The following ROBO1 variants were observed in gnomAD, a reference collection of about 807,000 sequenced individuals.
ROBO1 encodes the protein roundabout homolog 1.
Under a neutral mutation model 195.9 loss-of-function variants are expected in ROBO1, and 149 were observed. That is an observed-to-expected ratio of 0.76 (90% CI 0.67 to 0.87). The LOEUF is 0.87. Among genes scored for constraint, ROBO1 ranks in the 40% least tolerant of loss-of-function variants. The pLI is 0.00. For synonymous variants in ROBO1, 816 were observed against 733.2 expected (o/e 1.11, Z -1.82); for missense variants, 1,933 against 2,068.3 (o/e 0.93, Z 1.27).
intron 2 of ROBO1, among the ~76,000 whole-genome samples, chr3:79,448,069 T>C (rs970948684): frequency 7.2e-5 from 11 of 152,200 alleles, no homozygotes; most frequent in African/African-American, 4.8e-5. Flanking sequence ...GTTGAGAAAT[T>C]TATCCCTTAA....
intron 2 of ROBO1, among the ~76,000 whole-genome samples, chr3:79,427,008 A>C (rs62257565): frequency 0.34 from 50,956 of 152,042 alleles, 9,947 homozygotes; most frequent in Admixed American, 0.48. Flanking sequence ...GTTTTATAAA[A>C]CAAAAATGGC....
intron 3 of ROBO1, among the ~76,000 whole-genome samples, chr3:79,117,638 TG>T (rs1278023765): frequency 1.3e-5 from 2 of 152,226 alleles, no homozygotes; most frequent in East Asian, 3.9e-4. Context: ...CATAACCTAC[TG>T]TAATACCCAC....
At chr3:78,684,743 G>A (rs2081014462) in intron 10 of ROBO1, among the ~76,000 whole-genome samples, 1 of 152,084 alleles carries the variant, frequency 6.6e-6, no homozygotes, top group Non-Finnish European at 1.5e-5. Flanking sequence ...AGGAGTCAAA[G>A]ATGACTCCAC....
intron 1 of ROBO1, among the ~76,000 whole-genome samples, chr3:79,682,077 T>A (rs1173925112): frequency 2.6e-5 from 4 of 151,990 alleles, no homozygotes; most frequent in Non-Finnish European, 5.9e-5. Context: ...CCTCAGGCAT[T>A]GAATATTTTG....
At chr3:78,676,718 C>T (rs1410019517) in intron 10 of ROBO1, among the ~76,000 whole-genome samples, 9 of 152,230 alleles carry the variant, frequency 5.9e-5, no homozygotes, top group African/African-American at 9.6e-5. Context: ...CTGAAAGTGA[C>T]GGGGAGAATG....
chr3:79,225,087 G>T (rs2082201965), intron 2 of ROBO1, among the ~76,000 whole-genome samples: 1 of 151,852 alleles, frequency 6.6e-6, no homozygotes, highest in African/African-American at 2.4e-5. Flanking sequence ...CCAGAGAGAA[G>T]GAATAGCATG....
chr3:79,585,475 A>T (rs1003684371), intron 2 of ROBO1, among the ~76,000 whole-genome samples: 1 of 152,024 alleles, frequency 6.6e-6, no homozygotes, highest in Admixed American at 6.6e-5. Flanking sequence ...AGAAATATTT[A>T]TTATGAGATG....
At chr3:78,904,624 G>T (rs1349133906) in intron 4 of ROBO1, among the ~76,000 whole-genome samples, 1 of 150,292 alleles carries the variant, frequency 6.7e-6, no homozygotes, top group African/African-American at 2.4e-5. Flanking sequence ...CGAAAAAATG[G>T]CAAGAATCAT....
At chr3:78,675,163 A>C (rs1195469907) in intron 10 of ROBO1, among the ~76,000 whole-genome samples, 1 of 138,064 alleles carries the variant, frequency 7.2e-6, no homozygotes, top group Non-Finnish European at 1.6e-5. Context: ...CCACTCATTA[A>C]AAAAAAAAAA....
chr3:79,202,302 G>A (rs1219722438), intron 2 of ROBO1, among the ~76,000 whole-genome samples: 1 of 152,084 alleles, frequency 6.6e-6, no homozygotes, highest in Non-Finnish European at 1.5e-5. Context: ...TGACCTAGAT[G>A]ATACTTAAAG....
chr3:79,359,204 T>C (rs939277224), intron 2 of ROBO1, among the ~76,000 whole-genome samples: 16 of 152,074 alleles, frequency 1.1e-4, no homozygotes, highest in Middle Eastern at 3.4e-3. Context: ...AAATCACACA[T>C]GAACATGCTA....
intron 3 of ROBO1, chr3:79,019,139 G>A: frequency 7.1e-6 from 7 of 986,226 alleles, no homozygotes; most frequent in Non-Finnish European, 8.4e-6. Context: ...ACAGCAGCAG[G>A]ACCGCGGACA....
chr3:78,941,875 CAT>C (rs2107705174), intron 3 of ROBO1, among the ~76,000 whole-genome samples: 1 of 152,280 alleles, frequency 6.6e-6, no homozygotes, highest in Non-Finnish European at 1.5e-5. Context: ...AGCCAGAAAC[CAT>C]TAAGAAATGT....
intron 5 of ROBO1, among the ~76,000 whole-genome samples, chr3:78,744,907 T>TAC (rs1463068568): frequency 6.6e-6 from 1 of 152,226 alleles, no homozygotes; most frequent in Non-Finnish European, 1.5e-5. Flanking sequence ...TAGTTTAATT[T>TAC]ACTGTATATT....
intron 3 of ROBO1, among the ~76,000 whole-genome samples, chr3:79,106,525 A>G (rs1049559699): frequency 3.3e-5 from 5 of 151,634 alleles, no homozygotes; most frequent in African/African-American, 7.3e-5. Context: ...TTCCTCATGT[A>G]TTATATTAAT....
At chr3:78,906,902 A>C (rs935742480) in intron 4 of ROBO1, among the ~76,000 whole-genome samples, 6 of 152,064 alleles carry the variant, frequency 3.9e-5, no homozygotes, top group Admixed American at 2.6e-4. Flanking sequence ...CATTTTTGCA[A>C]ATTTATTTAA....
intron 8 of ROBO1, among the ~76,000 whole-genome samples, chr3:78,700,498 A>T (rs2081395341): frequency 6.6e-6 from 1 of 152,172 alleles, no homozygotes; most frequent in Admixed American, 6.6e-5. Flanking sequence ...TTGGATCAAG[A>T]TCCTCTCCAA....
At chr3:79,089,249 AAAGTTGTCACTTAG>A (rs1559650417) in intron 3 of ROBO1, among the ~76,000 whole-genome samples, 1 of 152,130 alleles carries the variant, frequency 6.6e-6, no homozygotes, top group African/African-American at 2.4e-5. Context: ...TATAAGATAC[AAAGTTGTCACTTAG>A]AATTCCTAAC....
intron 3 of ROBO1, among the ~76,000 whole-genome samples, chr3:79,044,126 T>TAAAA (rs71127374): frequency 1.4e-5 from 2 of 140,098 alleles, no homozygotes; most frequent in Non-Finnish European, 3.1e-5. Context: ...GTTGATGAGC[T>TAAAA]AAAAAAAAAA....
Sources: gnomAD v4.1 joint callset for allele counts (sites outside exome capture counted in the v4.1 genomes callset) on GRCh38, gnomAD v4.1.1 for gene constraint, MANE v1.5 for transcripts, NCBI Gene and HGNC (gene_info 2026-07-23, HGNC 2026-07-21) for gene names.